HYDIN: variants seen among roughly 807,000 people sequenced by gnomAD.
HYDIN encodes axonemal central pair apparatus protein HYDIN.
In HYDIN, 132 loss-of-function variants were observed where a neutral mutation model predicts 403.9. The ratio of observed to expected loss-of-function variants is 0.33; its 90% confidence interval spans 0.28 to 0.38. The LOEUF is 0.38. HYDIN is among the 10% of genes least tolerant of loss of function. HYDIN has a pLI of 1.00. For missense variants in HYDIN, 2,827 were observed against 5,009.5 expected (o/e 0.56, Z 13.15); for synonymous variants, 1,202 against 1,891.7 (o/e 0.64, Z 9.46).
chr16:71,046,803 T>A (rs541423691), intron 18 of HYDIN, among the ~76,000 whole-genome samples: 45 of 152,344 alleles, frequency 3.0e-4, no homozygotes, highest in African/African-American at 1.1e-3. Context: ...TAAAAACATT[T>A]ATTTGATTTT....
intron 60 of HYDIN, among the ~76,000 whole-genome samples, chr16:70,880,475 T>C (rs543695806): frequency 3.3e-5 from 5 of 151,764 alleles, no homozygotes; most frequent in South Asian, 2.1e-4. Context: ...CATGTGGCTC[T>C]TGAGAGATGG....
intron 10 of HYDIN, among the ~76,000 whole-genome samples, chr16:71,106,542 C>T (rs2083623931): frequency 1.3e-5 from 2 of 152,166 alleles, no homozygotes; most frequent in Admixed American, 6.5e-5. Context: ...TCTTTCTACT[C>T]ATGGTGCCTA....
chr16:70,808,433 G>A (rs936277303), intron 85 of HYDIN, among the ~76,000 whole-genome samples: 17 of 152,134 alleles, frequency 1.1e-4, no homozygotes, highest in Non-Finnish European at 4.4e-5. Flanking sequence ...ACAACTAGCT[G>A]TGAGCAGAAG....
At chr16:71,134,993 A>G (rs1159726292) in intron 8 of HYDIN, among the ~76,000 whole-genome samples, 5 of 152,188 alleles carry the variant, frequency 3.3e-5, no homozygotes, top group African/African-American at 4.8e-5. Flanking sequence ...ACCGAGATAA[A>G]ACAATAGTTT....
At chr16:70,978,248 T>A (rs2078945356) in intron 30 of HYDIN, among the ~76,000 whole-genome samples, 1 of 150,240 alleles carries the variant, frequency 6.7e-6, no homozygotes, top group African/African-American at 2.4e-5. Flanking sequence ...ATCCAATCAA[T>A]CCCTAAGTCT....
intron 39 of HYDIN, chr16:70,959,363 AG>A (rs1488273403): frequency 1.0e-5 from 2 of 193,398 alleles, no homozygotes; most frequent in African/African-American, 4.8e-5. Flanking sequence ...TATTGAGATA[AG>A]CATTTTATAT....
intron 14 of HYDIN, 115 bp from the exon 15 acceptor site, chr16:71,067,505 T>C: frequency 1.9e-6 from 1 of 538,526 alleles, no homozygotes. Flanking sequence ...GCTTTATGGA[T>C]ATATAGCATT....
intron 9 of HYDIN, among the ~76,000 whole-genome samples, chr16:71,128,087 G>A (rs535786588): frequency 2.6e-4 from 40 of 151,880 alleles, no homozygotes; most frequent in Admixed American, 1.6e-3. Flanking sequence ...TCTCCAAAAG[G>A]CCTGTCCTGT....
chr16:70,913,317 G>A (rs1420362246), intron 47 of HYDIN, among the ~76,000 whole-genome samples: 2 of 151,950 alleles, frequency 1.3e-5, no homozygotes, highest in Non-Finnish European at 2.9e-5. Context: ...GTATCCCAGA[G>A]GTTTTGATAG....
At chr16:71,025,810 G>C (rs916824939) in intron 20 of HYDIN, among the ~76,000 whole-genome samples, 5 of 151,680 alleles carry the variant, frequency 3.3e-5, no homozygotes, top group Non-Finnish European at 1.5e-5. Context: ...GAACAAGACA[G>C]ATAAAATCTT....
Position 70,951,420 on chromosome 16 carries a change from C to T in HYDIN, c.6531+1001G>A, listed in dbSNP as rs1393926838. On this transcript the variant is annotated intron_variant, in intron 41 of 85. Coordinates refer to ENST00000393567, the MANE Select transcript of HYDIN (RefSeq NM_001270974.2). ...CTTCTATACTGGAAGCAGTGCTCTG[C>T]CACTCCCCTCGAGCATGCTCTGCAG... Among the ~76,000 whole-genome samples the T allele has an allele frequency of 3.3e-5, 5 of 152,262 alleles. No homozygotes were observed. The East Asian group carries it at 7.7e-4, about 24-fold the overall frequency.
rs2038731713 is a variant in HYDIN at position 70,852,647 on chromosome 16, T to C, written c.12444-1992A>G. On this transcript the variant is annotated intron_variant, in intron 73 of 85. Transcript: ENST00000393567. ...CTGAGCAGGAAACTGGAAAGAGACA[T>C]GAAGAGACATTTCACTGAGGAGGAT... The C allele has an allele frequency of 2.0e-5, 3 of 150,058 alleles. No homozygotes were observed. The South Asian group carries it at 6.4e-4, about 32-fold the overall frequency. 9.3% of individuals were successfully genotyped at this position (150,058 alleles called of 1,614,324 possible).
At chr16:71,189,716 G>A (rs189284977) in intron 1 of HYDIN, among the ~76,000 whole-genome samples, 9 of 149,688 alleles carry the variant, frequency 6.0e-5, no homozygotes, top group Middle Eastern at 3.4e-3. Context: ...GCAGTGAGCC[G>A]TGATGGCGCC....
chr16:71,143,522 CAAAG>C (rs1445549088), intron 7 of HYDIN, among the ~76,000 whole-genome samples: 2 of 151,976 alleles, frequency 1.3e-5, no homozygotes, highest in African/African-American at 4.8e-5. Flanking sequence ...GAATAAGAAA[CAAAG>C]AAAAGAAAAC....
At position 71,207,060 on chromosome 16, in the gene HYDIN, T is replaced by C. The variant is rs182763051; in HGVS notation, c.-23-20142A>G. 1.9e-3 allele frequency among the ~76,000 whole-genome samples: 296 copies of C among 152,126 alleles called. 5 individuals carry two copies. Among genetic ancestry groups the C allele is most frequent in the African/African-American group, 6.7e-3 (280 of 41,498 alleles). ...TAGCTAGAGAGGCCAACATTCAAATTCAGAAAATGCAGAGAACCTCCAAAA... is the reference window on the plus strand; with the variant it reads ...TAGCTAGAGAGGCCAACATTCAAATCCAGAAAATGCAGAGAACCTCCAAAA... On this transcript the variant is annotated intron_variant, in intron 1 of 85. Transcript: ENST00000393567.
At chr16:70,939,883 AG>A (rs2077615546) in intron 43 of HYDIN, among the ~76,000 whole-genome samples, 1 of 147,934 alleles carries the variant, frequency 6.8e-6, no homozygotes, top group East Asian at 2.0e-4. Flanking sequence ...AAGAGGCCTG[AG>A]GGAGCTTGTT....
chr16:70,851,069 A>G (rs2038604898), intron 73 of HYDIN, among the ~76,000 whole-genome samples: 1 of 152,048 alleles, frequency 6.6e-6, no homozygotes, highest in African/African-American at 2.4e-5. Flanking sequence ...TAAGACCTCA[A>G]ACTATACGAA....
rs1222442712 is a variant in HYDIN at position 70,883,966 on chromosome 16, G to A, written c.9933C>T (p.His3311=). The stretch of plus-strand genomic sequence containing the variant: ...GCAAAGTGTAAAGAATGCCGGCAGG[G>A]TGGACTGCAGGGTCTCGGCCGGAGA... ...IDISGRDPAV[H]PAGILYTLLA... is the part of the protein sequence containing the mutation. Residue 3311 remains histidine (H), a synonymous_variant, in exon 59 of 86, where the codon CAC becomes CAT. Coordinates refer to ENST00000393567, the MANE Select transcript of HYDIN (RefSeq NM_001270974.2). The A allele has an allele frequency of 1.9e-6, 3 of 1,613,976 alleles. No individual in the cohort carries two copies. The highest frequency in any genetic ancestry group is 1.7e-6 in the Non-Finnish European group (2 of 1,180,050).
In HYDIN at chr16:70,946,740, G is replaced by C. The variant is rs546627626; in HGVS notation, c.6532-2791C>G. 4.6e-5 allele frequency among the ~76,000 whole-genome samples: 7 copies of C among 152,318 alleles called. No homozygotes were observed. The South Asian group carries it at 1.4e-3, about 32-fold the overall frequency. ...TGTGGGAAAGCAGGATTGTGATAGA[G>C]AGATCTTGGAGTTTATGGGTAGCGG... is the stretch of plus-strand genomic sequence containing the variant. On this transcript the variant is annotated intron_variant, in intron 41 of 85. Coordinates refer to ENST00000393567, the MANE Select transcript of HYDIN (RefSeq NM_001270974.2).
Sources: gnomAD v4.1 joint callset for allele counts (sites outside exome capture counted in the v4.1 genomes callset) on GRCh38, gnomAD v4.1.1 for gene constraint, MANE v1.5 for transcripts, NCBI Gene and HGNC (gene_info 2026-07-23, HGNC 2026-07-21) for gene names.